The following UST variants were observed in gnomAD, a reference collection of about 807,000 sequenced individuals.
UST encodes uronyl 2-sulfotransferase, also known as chondroitin sulfate 2-O-sulfotransferase.
In UST, 21 loss-of-function variants were observed where a neutral mutation model predicts 45.6. The observed-to-expected ratio is 0.46, with a 90% CI of 0.33 to 0.66. UST has a LOEUF of 0.66. Ranked by LOEUF, UST falls within the 30% of genes least tolerant of loss-of-function variation. The pLI is 0.02. For missense variants in UST, 463 were observed against 512.4 expected (o/e 0.90, Z 0.93); for synonymous variants, 215 against 200.6 (o/e 1.07, Z -0.61).
At chr6:148,913,004 G>C (rs1384496572) in intron 2 of UST, among the ~76,000 whole-genome samples, 1 of 152,142 alleles carries the variant, frequency 6.6e-6, no homozygotes, top group Admixed American at 6.5e-5. Context: ...CACGCTTCCA[G>C]GTTATTTTAA....
At chr6:148,750,911 A>G (rs796457202) in intron 1 of UST, among the ~76,000 whole-genome samples, 2 of 152,144 alleles carry the variant, frequency 1.3e-5, no homozygotes, top group African/African-American at 4.8e-5. Flanking sequence ...CAGTTGTGCT[A>G]TGTCTAGGCT....
intron 7 of UST, among the ~76,000 whole-genome samples, chr6:149,043,097 T>C (rs1776348896): frequency 6.6e-6 from 1 of 151,200 alleles, no homozygotes; most frequent in South Asian, 2.1e-4. Flanking sequence ...CTTTCTCTTG[T>C]TTCTTTTCAT....
intron 1 of UST, among the ~76,000 whole-genome samples, chr6:148,861,651 CT>C (rs1284118166): frequency 1.3e-5 from 2 of 152,148 alleles, no homozygotes; most frequent in Non-Finnish European, 2.9e-5. Flanking sequence ...ACAAATTTCC[CT>C]CTACACACTG....
chr6:149,025,258 G>A (rs992599896), intron 7 of UST, among the ~76,000 whole-genome samples: 1 of 152,112 alleles, frequency 6.6e-6, no homozygotes, highest in Admixed American at 6.5e-5. Context: ...AATATATGCT[G>A]ACATCAAGTA....
chr6:148,797,370 A>T (rs1776972598), intron 1 of UST, among the ~76,000 whole-genome samples: 1 of 152,252 alleles, frequency 6.6e-6, no homozygotes, highest in Non-Finnish European at 1.5e-5. Context: ...ACTATTTTAT[A>T]TGCTGCTTTA....
chr6:149,040,722 G>T (rs1158807575), intron 7 of UST, among the ~76,000 whole-genome samples: 1 of 152,112 alleles, frequency 6.6e-6, no homozygotes, highest in Non-Finnish European at 1.5e-5. Flanking sequence ...AAAGACCTGC[G>T]ATTCAGTGCA....
At chr6:149,014,007 A>G (rs138967664) in intron 5 of UST, among the ~76,000 whole-genome samples, 52 of 150,188 alleles carry the variant, frequency 3.5e-4, no homozygotes, top group African/African-American at 1.1e-3. Context: ...GAAATCCAAG[A>G]GAGGAAGCAG....
At chr6:148,846,461 G>C (rs1323596816) in intron 1 of UST, among the ~76,000 whole-genome samples, 2 of 152,022 alleles carry the variant, frequency 1.3e-5, no homozygotes, top group South Asian at 4.2e-4. Flanking sequence ...TTGGGGGGAG[G>C]GGGGAAGGAT....
At chr6:148,895,423 A>C (rs1779108283) in intron 2 of UST, among the ~76,000 whole-genome samples, 1 of 152,186 alleles carries the variant, frequency 6.6e-6, no homozygotes, top group Non-Finnish European at 1.5e-5. Context: ...GAGAGCAACA[A>C]AGAAAAACAG....
intron 7 of UST, among the ~76,000 whole-genome samples, chr6:149,027,076 T>C (rs1446334924): frequency 6.6e-6 from 1 of 152,192 alleles, no homozygotes; most frequent in East Asian, 1.9e-4. Context: ...ATTATGCTTT[T>C]TTTTTTTACT....
At chr6:148,976,101 A>T (rs1250190149) in intron 5 of UST, among the ~76,000 whole-genome samples, 2 of 152,234 alleles carry the variant, frequency 1.3e-5, no homozygotes, top group Admixed American at 1.3e-4. Context: ...CTAATTCCCC[A>T]TTGAAAAATT....
chr6:148,894,488 G>A (rs1044586157), intron 2 of UST, among the ~76,000 whole-genome samples: 2 of 152,124 alleles, frequency 1.3e-5, no homozygotes, highest in Non-Finnish European at 2.9e-5. Flanking sequence ...ACAGACCAAG[G>A]TACACCAAGG....
chr6:148,880,147 G>T (rs914203993), intron 1 of UST, among the ~76,000 whole-genome samples: 2 of 141,218 alleles, frequency 1.4e-5, no homozygotes, highest in African/African-American at 2.6e-5. Flanking sequence ...TGGAGATGGG[G>T]TTTCACCATG....
At position 149,003,443 on chromosome 6, in the gene UST, AC is replaced by A. The variant is rs1375353943; in HGVS notation, c.682-15695del. Among the ~76,000 whole-genome samples the A allele has an allele frequency of 2.6e-3, 352 of 136,530 alleles. 1 individual carries two copies. Among genetic ancestry groups the A allele is most frequent in the African/African-American group, 9.5e-3 (332 of 35,088 alleles). The allele number at this position is 136,530 out of a possible 152,430, so 89.6% of individuals were successfully genotyped here. ...GATGTCCAATTTGGTAAAAAACAAA[AC>A]AAAAAAAAAAAACATTAAGGCACCT... is the stretch of plus-strand genomic sequence containing the variant. On this transcript the variant is annotated intron_variant, in intron 5 of 7. Coordinates refer to ENST00000367463, the MANE Select transcript of UST (RefSeq NM_005715.3).
At chr6:148,892,358 T>C (rs1305165288) in intron 2 of UST, among the ~76,000 whole-genome samples, 2 of 152,212 alleles carry the variant, frequency 1.3e-5, no homozygotes, top group African/African-American at 4.8e-5. Flanking sequence ...TTCTCCACTC[T>C]AGTCAATGAA....
intron 6 of UST, 77 bp from the exon 7 acceptor site, chr6:149,021,247 A>AG (rs1366711483): frequency 6.9e-7 from 1 of 1,459,796 alleles, no homozygotes; most frequent in African/African-American, 1.4e-5. Flanking sequence ...TGGGAGGTAG[A>AG]GGGGGTAAAC....
At chr6:148,761,458 A>G (rs1350545227) in intron 1 of UST, among the ~76,000 whole-genome samples, 3 of 152,180 alleles carry the variant, frequency 2.0e-5, no homozygotes, top group Middle Eastern at 3.2e-3. Context: ...GCTTTACAGA[A>G]ATGTGATTGC....
chr6:148,840,307 C>T (rs1777864989), intron 1 of UST, among the ~76,000 whole-genome samples: 1 of 152,150 alleles, frequency 6.6e-6, no homozygotes, highest in South Asian at 2.1e-4. Flanking sequence ...CCCTCAGCCC[C>T]ATGTGAATCC....
intron 1 of UST, among the ~76,000 whole-genome samples, chr6:148,841,585 T>TG (rs764263581): frequency 1.4e-4 from 21 of 147,174 alleles, no homozygotes; most frequent in South Asian, 2.2e-4. Context: ...TGTTTTGTTT[T>TG]TGTTTTTTTT....
Sources: allele counts gnomAD v4.1 joint callset (sites outside exome capture counted in the v4.1 genomes callset), GRCh38; gene constraint gnomAD v4.1.1; transcripts MANE v1.5; gene names NCBI Gene and HGNC (gene_info 2026-07-23, HGNC 2026-07-21).